VPS13A: variants seen among roughly 807,000 people sequenced by gnomAD.
The protein encoded by VPS13A is intermembrane lipid transfer protein VPS13A.
Under a neutral mutation model 390.9 loss-of-function variants are expected in VPS13A, and 264 were observed. That is an observed-to-expected ratio of 0.68 (90% confidence interval 0.61 to 0.75). The LOEUF (loss-of-function observed/expected upper bound fraction) is 0.75. Among genes scored for constraint, VPS13A ranks in the 30% least tolerant of loss-of-function variants. The pLI, the probability that VPS13A is intolerant of heterozygous loss-of-function variation, is 0.00. For missense variants in VPS13A, 3,409 were observed against 3,733.9 expected, an observed-to-expected ratio of 0.91 and a Z score of 2.27; for synonymous variants, 1,231 against 1,227.1, an observed-to-expected ratio of 1.00 and a Z score of -0.07.
At chr9:77,284,856 A>G (rs1827243091) in intron 31 of VPS13A, among the ~76,000 whole-genome samples, 1 of 151,884 alleles carries the variant, frequency 6.6e-6, no homozygotes, top group South Asian at 2.1e-4. Flanking sequence ...GGTGCGCACA[A>G]CCACACCCAA....
intron 69 of VPS13A, among the ~76,000 whole-genome samples, chr9:77,405,259 G>A (rs780208084): frequency 2.0e-5 from 3 of 152,146 alleles, no homozygotes; most frequent in Non-Finnish European, 2.9e-5. Context: ...GAGGCCCTCA[G>A]CATGATGATT....
At chr9:77,221,699 A>G (rs1823223246) in intron 13 of VPS13A, among the ~76,000 whole-genome samples, 1 of 152,144 alleles carries the variant, frequency 6.6e-6, no homozygotes, top group East Asian at 1.9e-4. Context: ...ATGTGTCACC[A>G]CTACATTTTC....
chr9:77,220,460 A>G, intron 12 of VPS13A, 77 bp downstream of exon 12: 2 of 993,056 alleles, frequency 2.0e-6, no homozygotes, highest in South Asian at 3.0e-5. Context: ...TTCAAGAATA[A>G]TCTTTAAGAT....
At chr9:77,383,073 G>T (rs1833525968) in intron 68 of VPS13A, 1 of 964,036 alleles carries the variant, frequency 1.0e-6, no homozygotes, top group African/African-American at 1.8e-5. Flanking sequence ...GGAATATGAA[G>T]CTTCCTTTAT....
intron 1 of VPS13A, among the ~76,000 whole-genome samples, chr9:77,193,546 A>T (rs951746428): frequency 1.3e-5 from 2 of 152,178 alleles, no homozygotes; most frequent in Non-Finnish European, 2.9e-5. Context: ...AGGCAGGAGA[A>T]TCACTTGAAC....
chr9:77,317,542 T>C, intron 39 of VPS13A, 64 bp from the exon 40 acceptor site: 2 of 1,257,162 alleles, frequency 1.6e-6, no homozygotes, highest in Non-Finnish European at 2.2e-6. Flanking sequence ...ACTAGGAAAG[T>C]CTTTAAATAG....
chr9:77,273,503 T>C, intron 24 of VPS13A, 139 bp downstream of exon 24: 1 of 666,238 alleles, frequency 1.5e-6, no homozygotes, highest in Non-Finnish European at 2.5e-6. Context: ...ACTGAGGCTC[T>C]ATGAATGGAA....
At chr9:77,354,806 C>G (rs533004412) in intron 54 of VPS13A, among the ~76,000 whole-genome samples, 1 of 152,244 alleles carries the variant, frequency 6.6e-6, no homozygotes, top group Non-Finnish European at 1.5e-5. Context: ...CATCTCACCC[C>G]CCAATATCAC....
intron 54 of VPS13A, among the ~76,000 whole-genome samples, chr9:77,354,428 A>C (rs906295001): frequency 6.6e-6 from 1 of 152,126 alleles, no homozygotes; most frequent in Non-Finnish European, 1.5e-5. Flanking sequence ...GATCAAATAC[A>C]CCATAGATTT....
intron 59 of VPS13A, among the ~76,000 whole-genome samples, chr9:77,362,725 A>G (rs1832210601): frequency 6.6e-6 from 1 of 152,194 alleles, no homozygotes; most frequent in South Asian, 2.1e-4. Flanking sequence ...TCCTAACAGT[A>G]TTAGGTCTTT....
chr9:77,318,761 A>C (rs899022909), intron 41 of VPS13A, among the ~76,000 whole-genome samples, 170 bp downstream of exon 41: 1 of 152,210 alleles, frequency 6.6e-6, no homozygotes, highest in African/African-American at 2.4e-5. Context: ...TTGCCCTTGA[A>C]TAATTGCTTT....
chr9:77,213,246 G>A lies in VPS13A; in HGVS notation c.628G>A (p.Asp210Asn). ...ATTTTATTTTCAGTTAATCCGATTG[G>A]ATAACCTGTTTGCCTATTGGAATGT... The part of the protein sequence containing the change: ...EKLVRKLIRL[D>N]NLFAYWNVKS... The change falls in exon 9 of 72, where the codon GAT becomes AAT. Residue 210 changes from aspartate to asparagine, a missense_variant. By Grantham distance (23) the Asp-to-Asn change is conservative (BLOSUM62 1). This residue lies in a region of VPS13A where 2,717 missense variants were observed against 2,917.4 expected (regional missense o/e 0.93). Transcript: ENST00000360280. 1 of 1,613,508 alleles carries A rather than the reference G, an allele frequency of 6.2e-7. No homozygotes were observed. The highest frequency in any genetic ancestry group is 8.5e-7 in the Non-Finnish European group (1 of 1,179,736).
chr9:77,290,221 C>T (rs1166549453), intron 31 of VPS13A, among the ~76,000 whole-genome samples: 2 of 152,104 alleles, frequency 1.3e-5, no homozygotes, highest in Non-Finnish European at 2.9e-5. Flanking sequence ...GTGTTTTCCC[C>T]CTTTCCAACT....
intron 17 of VPS13A, among the ~76,000 whole-genome samples, chr9:77,237,614 C>G (rs1178997786): frequency 1.3e-5 from 2 of 152,176 alleles, no homozygotes; most frequent in Non-Finnish European, 2.9e-5. Context: ...ATCCACCTGT[C>G]TTGACCTCCC....
chr9:77,382,038 T>A lies in VPS13A; in HGVS notation c.9140T>A (p.Val3047Asp). The change falls in exon 68 of 72, where the codon GTT (valine) becomes GAT (aspartate). Residue 3047 changes from valine to aspartate, a missense_variant. Val to Asp is a radical substitution (Grantham distance 152). Coordinates refer to ENST00000360280, the MANE Select transcript of VPS13A (RefSeq NM_033305.3). ...RPPRFFNEDG[V>D]IRPYRLRDGT... is the part of the protein sequence containing the mutation. ...CCTCGGTTCTTCAATGAAGATGGAG[T>A]TATCAGACCGTACAGGTTGAGGGAT... is the stretch of plus-strand genomic sequence containing the variant. 1 of 1,608,806 alleles carries A rather than the reference T, an allele frequency of 6.2e-7. No homozygotes were observed.
At chr9:77,318,738 A>T in intron 41 of VPS13A, 147 bp downstream of exon 41, 1 of 839,938 alleles carries the variant, frequency 1.2e-6, no homozygotes, top group East Asian at 2.7e-5. Flanking sequence ...TTTTAGAAAA[A>T]AGTTTTCAAA....
At chr9:77,394,754 G>A (rs1047644354) in intron 68 of VPS13A, among the ~76,000 whole-genome samples, 28 of 152,196 alleles carry the variant, frequency 1.8e-4, no homozygotes, top group African/African-American at 5.5e-4. Context: ...CTAACTTGCT[G>A]TAGCTTCTGC....
At chr9:77,250,343 T>TAGAAATGATA (rs1825083658) in intron 21 of VPS13A, 114 bp downstream of exon 21, 2 of 1,264,224 alleles carry the variant, frequency 1.6e-6, no homozygotes, top group Admixed American at 1.8e-5. Flanking sequence ...ATTTTTGAAT[T>TAGAAATGATA]AGAAATGATA....
rs3737289 is a variant in VPS13A at position 77,371,141 on chromosome 9, A to G, written c.9069A>G (p.Gly3023=). 705,916 of 1,613,544 alleles carry G rather than the reference A, an allele frequency of 0.44. 156,776 individuals are homozygous for G. Among genetic ancestry groups the G allele is most frequent in the Admixed American group, 0.54 (32,425 of 59,982 alleles). ...ACATGGCTAGCAGTACATTTCAGGG[A>G]ATAAAAAGGTAAATCCTCTTTGGTG... is the stretch of plus-strand genomic sequence containing the variant. The part of the protein sequence containing the change: ...IIDMASSTFQ[G]IKRATETSEV... The change falls in exon 67 of 72, where the codon GGA becomes GGG. Residue 3023 remains glycine, a synonymous_variant. Transcript: ENST00000360280.
Sources: allele counts gnomAD v4.1 joint callset (sites outside exome capture counted in the v4.1 genomes callset), GRCh38; gene constraint gnomAD v4.1.1; regional missense constraint gnomAD v4.1.1; transcripts MANE v1.5; gene names NCBI Gene and HGNC (gene_info 2026-07-23, HGNC 2026-07-21).